Variants in CSMD1 observed in about 807,000 individuals in gnomAD.
CSMD1 encodes the protein CUB and Sushi multiple domains 1, also known as CUB and sushi domain-containing protein 1.
In CSMD1, 213 loss-of-function variants were observed where a neutral mutation model predicts 417.5. The observed-to-expected ratio is 0.51, with a 90% confidence interval of 0.46 to 0.57. The LOEUF (loss-of-function observed/expected upper bound fraction) is 0.57, where lower values mean the gene tolerates loss of function less well. Ranked by LOEUF, CSMD1 falls within the 20% of genes least tolerant of loss-of-function variation. CSMD1 has a pLI of 0.00. For synonymous variants in CSMD1, 2,862 were observed against 1,736.8 expected, an observed-to-expected ratio of 1.65 and a Z score of -16.11; for missense variants, 6,923 against 4,529.7, an observed-to-expected ratio of 1.53 and a Z score of -15.17.
At chr8:4,136,426 T>C (rs769374141) in intron 3 of CSMD1, among the ~76,000 whole-genome samples, 8 of 152,148 alleles carry the variant, frequency 5.3e-5, no homozygotes, top group Non-Finnish European at 1.0e-4. Context: ...ATAAAACTGG[T>C]TCTCAGCAAG....
In CSMD1 at chr8:4,209,411, G is replaced by T. The variant is rs144913285; in HGVS notation, c.416-177312C>A. ...CCGAAGACTCTCCAGGGTTCCTGTG[G>T]AATTGTATGAGGTGTGAACTCCTCA... On this transcript the variant is annotated intron_variant, in intron 3 of 69. Coordinates refer to ENST00000635120, the MANE Select transcript of CSMD1 (RefSeq NM_033225.6). Among the ~76,000 whole-genome samples, 4 of 152,084 alleles carry T rather than the reference G, an allele frequency of 2.6e-5. No individual in the cohort carries two copies. The East Asian group carries it at 5.8e-4, about 22-fold the overall frequency.
chr8:3,621,220 CT>C (rs1023022330), intron 7 of CSMD1, among the ~76,000 whole-genome samples: 1 of 152,156 alleles, frequency 6.6e-6, no homozygotes, highest in South Asian at 2.1e-4. Context: ...TAGCGTAGCA[CT>C]TTTTTTATGG....
intron 6 of CSMD1, among the ~76,000 whole-genome samples, chr8:3,712,739 A>G (rs920412543): frequency 5.3e-5 from 8 of 152,158 alleles, no homozygotes; most frequent in African/African-American, 1.9e-4. Flanking sequence ...GATAACTTCA[A>G]TGCACGCCAA....
intron 1 of CSMD1, among the ~76,000 whole-genome samples, chr8:4,649,233 G>A (rs1164563052): frequency 1.3e-5 from 2 of 152,156 alleles, no homozygotes; most frequent in Non-Finnish European, 2.9e-5. Context: ...AGTGCCCAGT[G>A]CACAGTAAAC....
At chr8:3,406,786 T>G (rs537899711) in intron 14 of CSMD1, among the ~76,000 whole-genome samples, 1 of 152,322 alleles carries the variant, frequency 6.6e-6, no homozygotes, top group East Asian at 1.9e-4. Flanking sequence ...TTCTCTCACT[T>G]TATTCCATCT....
chr8:4,760,708 A>G (rs1811983709), intron 1 of CSMD1, among the ~76,000 whole-genome samples: 3 of 152,142 alleles, frequency 2.0e-5, no homozygotes, highest in African/African-American at 2.4e-5. Context: ...TACTCTAATA[A>G]AAGGTGTATT....
At chr8:3,279,953 G>T (rs995074591) in intron 26 of CSMD1, among the ~76,000 whole-genome samples, 2 of 152,208 alleles carry the variant, frequency 1.3e-5, no homozygotes, top group South Asian at 2.1e-4. Context: ...GGGTGGGGAC[G>T]TAGAACCTAA....
intron 1 of CSMD1, among the ~76,000 whole-genome samples, chr8:4,892,756 T>C (rs1254330604): frequency 6.6e-6 from 1 of 152,096 alleles, no homozygotes. Context: ...CTCATTTTTA[T>C]TCTTTGTATT....
At chr8:4,398,690 C>T (rs942694162) in intron 3 of CSMD1, among the ~76,000 whole-genome samples, 3 of 152,074 alleles carry the variant, frequency 2.0e-5, no homozygotes, top group Non-Finnish European at 4.4e-5. Flanking sequence ...CCATCACACC[C>T]GGCCACTCTG....
intron 25 of CSMD1, among the ~76,000 whole-genome samples, chr8:3,295,439 G>C (rs546061944): frequency 6.6e-6 from 1 of 152,138 alleles, no homozygotes; most frequent in South Asian, 2.1e-4. Context: ...ATTTGCTTTT[G>C]TACTATTATG....
intron 2 of CSMD1, among the ~76,000 whole-genome samples, chr8:4,511,655 C>G (rs771327820): frequency 6.6e-6 from 1 of 152,116 alleles, no homozygotes; most frequent in Non-Finnish European, 1.5e-5. Context: ...CAGAAACCCA[C>G]AAGCACAAAG....
chr8:3,084,220 G>T (rs1283393497), intron 49 of CSMD1, among the ~76,000 whole-genome samples: 1 of 152,074 alleles, frequency 6.6e-6, no homozygotes, highest in East Asian at 1.9e-4. Context: ...TATATACAGC[G>T]TGTAAAAGAT....
At chr8:3,233,091 A>AT (rs11284982) in intron 26 of CSMD1, among the ~76,000 whole-genome samples, 39 of 149,326 alleles carry the variant, frequency 2.6e-4, no homozygotes, top group African/African-American at 4.9e-4. Flanking sequence ...TTTTCTTTTC[A>AT]TTTTTTTTTT....
At chr8:4,648,203 ATAAATGTCTTCTTTTG>A (rs1168748523) in intron 1 of CSMD1, among the ~76,000 whole-genome samples, 1 of 152,244 alleles carries the variant, frequency 6.6e-6, no homozygotes, top group East Asian at 1.9e-4. Flanking sequence ...TGTTGGACAC[ATAAATGTCTTCTTTTG>A]AGAAGTGTCT....
chr8:2,971,346 G>C (rs902301211), intron 57 of CSMD1, among the ~76,000 whole-genome samples: 2 of 152,072 alleles, frequency 1.3e-5, no homozygotes, highest in East Asian at 1.9e-4. Flanking sequence ...TGCACTTATC[G>C]GGTCTCTTAA....
At chr8:3,277,408 G>A (rs1009180749) in intron 26 of CSMD1, among the ~76,000 whole-genome samples, 2 of 152,284 alleles carry the variant, frequency 1.3e-5, no homozygotes, top group African/African-American at 4.8e-5. Context: ...AGGCAGGGCA[G>A]CTCAGACCCC....
intron 10 of CSMD1, among the ~76,000 whole-genome samples, chr8:3,543,675 G>C (rs548018088): frequency 6.6e-6 from 1 of 152,004 alleles, no homozygotes; most frequent in African/African-American, 2.4e-5. Context: ...AAGAAGAAAA[G>C]AGTGTGAGAG....
At chr8:4,005,969 A>G (rs1816078431) in intron 4 of CSMD1, among the ~76,000 whole-genome samples, 1 of 152,214 alleles carries the variant, frequency 6.6e-6, no homozygotes, top group African/African-American at 2.4e-5. Flanking sequence ...ATACATACGA[A>G]AACTAATTCT....
At chr8:2,966,033 A>G (rs1047190824) in intron 58 of CSMD1, 79 bp from the exon 59 acceptor site, 1 of 1,280,178 alleles carries the variant, frequency 7.8e-7, no homozygotes, top group African/African-American at 1.5e-5. Context: ...TATTCAAGAT[A>G]CTCTCTCTGA....
Sources: gnomAD v4.1 joint callset for allele counts (sites outside exome capture counted in the v4.1 genomes callset) on GRCh38, gnomAD v4.1.1 for gene constraint, MANE v1.5 for transcripts, NCBI Gene and HGNC (gene_info 2026-07-23, HGNC 2026-07-21) for gene names.